TRPV1: variants seen among roughly 807,000 people sequenced by gnomAD.
The protein encoded by TRPV1 is transient receptor potential cation channel subfamily V member 1.
In TRPV1, 82 loss-of-function variants were observed where a neutral mutation model predicts 82.3. The ratio of observed to expected loss-of-function variants is 1.00; its 90% CI spans 0.83 to 1.20. The LOEUF is 1.20. Among genes scored for constraint, TRPV1 ranks in the 50% most tolerant of loss-of-function variants. The pLI is 0.00. For missense variants in TRPV1, 1,067 were observed against 1,096.8 expected (o/e 0.97, Z 0.38); for synonymous variants, 515 against 467.7 (o/e 1.10, Z -1.30).
intron 2 of TRPV1, among the ~76,000 whole-genome samples, chr17:3,605,783 G>C (rs2150861358): frequency 6.6e-6 from 1 of 152,068 alleles, no homozygotes; most frequent in Middle Eastern, 3.4e-3. Flanking sequence ...AAATTCAACG[G>C]GGGGCAGTCT....
chr17:3,575,091 G>A lies in TRPV1; in HGVS notation c.1781-1136C>T, dbSNP rs148185119. 2.3e-3 allele frequency among the ~76,000 whole-genome samples: 343 copies of A among 152,212 alleles called. 2 individuals carry two copies. The highest frequency in any genetic ancestry group is 7.9e-3 in the African/African-American group (330 of 41,538). ...CCATGAAAACAAAAGACTCCATGAG[G>A]CCATTCTGATACAAACAAATACATA... On this transcript the variant is annotated intron_variant, in intron 13 of 16. Transcript: ENST00000572705.
chr17:3,581,758 A>G (rs71368147), intron 10 of TRPV1, among the ~76,000 whole-genome samples: 51,882 of 137,626 alleles, frequency 0.38, 12,597 homozygotes, highest in East Asian at 0.75. Flanking sequence ...GGTGGCACGC[A>G]CCTGTAGTCC....
intron 10 of TRPV1, among the ~76,000 whole-genome samples, chr17:3,582,747 C>T (rs943779747): frequency 6.6e-6 from 1 of 151,936 alleles, no homozygotes; most frequent in Non-Finnish European, 1.5e-5. Context: ...CACCTGAGGT[C>T]AGGAGTTCGA....
chr17:3,573,645 G>A lies in TRPV1; in HGVS notation c.2091C>T (p.Ile697=), dbSNP rs200534188. 3 of 1,608,960 alleles carry A rather than the reference G, an allele frequency of 1.9e-6. No individual in the cohort carries two copies. Among genetic ancestry groups the A allele is most frequent in the African/African-American group, 1.3e-5 (1 of 74,406 alleles). Residue 697 remains isoleucine (I), a synonymous_variant, in exon 14 of 17, where the codon ATC becomes ATT. Transcript: ENST00000572705. ...TCCACCCACCCACCTGCAGCTTCCAGATGTTCTTGCTCTCCTGTGCGATCT... is the reference window on the plus strand; with the variant it reads ...TCCACCCACCCACCTGCAGCTTCCAAATGTTCTTGCTCTCCTGTGCGATCT... ...VNKIAQESKN[I]WKLQRAITIL... is the part of the protein sequence containing the mutation.
intron 2 of TRPV1, among the ~76,000 whole-genome samples, chr17:3,604,975 C>T (rs1192997011): frequency 1.3e-5 from 2 of 152,168 alleles, no homozygotes; most frequent in Non-Finnish European, 2.9e-5. Flanking sequence ...CCAGCCACAA[C>T]TCCTATAAAC....
At chr17:3,604,405 C>A (rs1431897494) in intron 2 of TRPV1, among the ~76,000 whole-genome samples, 1 of 151,980 alleles carries the variant, frequency 6.6e-6, no homozygotes, top group East Asian at 1.9e-4. Flanking sequence ...TGAGACCAGC[C>A]TGGCCAACAT....
chr17:3,594,157 C>CAAAAAAAAA (rs1567673368), intron 2 of TRPV1, among the ~76,000 whole-genome samples: 6 of 111,226 alleles, frequency 5.4e-5, no homozygotes, highest in African/African-American at 3.6e-4. Flanking sequence ...AAAAAAGAAG[C>CAAAAAAAAA]AGCAGCAGCA....
chr17:3,574,471 T>C (rs1219904082), intron 13 of TRPV1, among the ~76,000 whole-genome samples: 1 of 152,120 alleles, frequency 6.6e-6, no homozygotes, highest in Non-Finnish European at 1.5e-5. Context: ...CCTACTGAAA[T>C]GCAGGGCCTT....
chr17:3,601,986 ACAGTAATGGC>A (rs2075266710), intron 2 of TRPV1: 1 of 152,188 alleles, frequency 6.6e-6, no homozygotes, highest in Non-Finnish European at 1.5e-5. Context: ...AATGATGACA[ACAGTAATGGC>A]TGTGAATATG....
At chr17:3,594,304 C>T (rs938860994) in intron 2 of TRPV1, among the ~76,000 whole-genome samples, 1 of 151,698 alleles carries the variant, frequency 6.6e-6, no homozygotes, top group Admixed American at 6.6e-5. Flanking sequence ...AAATGAGAGG[C>T]TTCTCAAGTC....
intron 2 of TRPV1, among the ~76,000 whole-genome samples, chr17:3,601,280 C>T (rs571953795): frequency 5.9e-5 from 9 of 152,150 alleles, no homozygotes; most frequent in African/African-American, 2.2e-4. Context: ...GTCCAACCTC[C>T]CACAACCCCT....
chr17:3,595,667 T>C (rs2075212658), intron 2 of TRPV1: 1 of 152,260 alleles, frequency 6.6e-6, no homozygotes, highest in Non-Finnish European at 1.5e-5. Context: ...AGAGCACCTG[T>C]TAGCCGGAGC....
At chr17:3,577,940 A>G in intron 11 of TRPV1, 177 bp from the exon 12 acceptor site, 1 of 601,902 alleles carries the variant, frequency 1.7e-6, no homozygotes, top group Non-Finnish European at 2.9e-6. Context: ...ATCGTCCCCA[A>G]GGAGCAGAAA....
intron 16 of TRPV1, among the ~76,000 whole-genome samples, chr17:3,569,228 G>C (rs1377220397): frequency 1.3e-5 from 2 of 152,014 alleles, no homozygotes; most frequent in African/African-American, 4.8e-5. Context: ...TAACAAACCT[G>C]CACGTTGTGC....
At position 3,573,943 on chromosome 17, in the gene TRPV1, A is replaced by G; in HGVS notation, c.1793T>C (p.Leu598Pro). The G allele has an allele frequency of 1.9e-6, 3 of 1,603,744 alleles. No homozygotes were observed. Among genetic ancestry groups the G allele is most frequent in the Non-Finnish European group, 2.5e-6 (3 of 1,176,590 alleles). Residue 598 changes from leucine to proline, a missense_variant, in exon 14 of 17, where the codon CTG becomes CCG. By Grantham distance (98) the Leu-to-Pro change is moderately conservative. Coordinates refer to ENST00000572705, the MANE Select transcript of TRPV1 (RefSeq NM_080704.4). Reference protein sequence around the residue: ...LFGFSTAVVTLIEDGKNDSLP... With the variant: ...LFGFSTAVVTPIEDGKNDSLP... ...GGAGTCATTCTTCCCGTCTTCAATC[A>G]GCGTCACCACCGCTACAGGGCACAG...
At chr17:3,583,684 G>C (rs1367787847) in intron 9 of TRPV1, among the ~76,000 whole-genome samples, 1 of 152,190 alleles carries the variant, frequency 6.6e-6, no homozygotes, top group African/African-American at 2.4e-5. Flanking sequence ...GCAATGTCCC[G>C]GCAGGCCCAG....
chr17:3,576,600 C>T (rs1177437949), intron 13 of TRPV1, among the ~76,000 whole-genome samples: 4 of 140,894 alleles, frequency 2.8e-5, no homozygotes, highest in South Asian at 2.3e-4. Context: ...TCCAGTGAGC[C>T]GAGATCGCGC....
Position 3,566,609 on chromosome 17 carries a change from T to C in TRPV1, c.*206A>G, listed in dbSNP as rs2074766032. On this transcript the variant is annotated 3_prime_UTR_variant, in exon 17 of 17. Coordinates refer to ENST00000572705, the MANE Select transcript of TRPV1 (RefSeq NM_080704.4). ...CCTGAAAGTCTGTTAGGAGATTCAC[T>C]TGGGGACAGTGACGGTTGGATGTAC... 3 of 549,398 alleles carry C rather than the reference T, an allele frequency of 5.5e-6. No individual in the cohort carries two copies. The highest frequency in any genetic ancestry group is 6.4e-5 in the South Asian group (2 of 31,376). 34.0% of individuals were successfully genotyped at this position (549,398 alleles called of 1,614,324 possible). A position where few individuals can be genotyped will look rare whatever the true frequency, so the allele number is the denominator to read the frequency against.
chr17:3,573,755 T>G lies in TRPV1; in HGVS notation c.1981A>C (p.Ile661Leu). 1 of 1,614,026 alleles carries G rather than the reference T, an allele frequency of 6.2e-7. No homozygotes were observed. The highest frequency in any genetic ancestry group is 8.5e-7 in the Non-Finnish European group (1 of 1,179,996). The change falls in exon 14 of 17, where the codon ATC (isoleucine) becomes CTC (leucine). Residue 661 changes from isoleucine (I) to leucine (L), a missense_variant. By Grantham distance (5) the Ile-to-Leu change is conservative (BLOSUM62 2). Coordinates refer to ENST00000572705, the MANE Select transcript of TRPV1 (RefSeq NM_080704.4). ...TENYDFKAVF[I>L]ILLLAYVILT... is the part of the protein sequence containing the mutation. ...ATTACATAGGCCAGCAGCAGGATGA[T>G]GAAGACAGCCTTGAAGTCATAGTTC...
Sources: allele counts gnomAD v4.1 joint callset (sites outside exome capture counted in the v4.1 genomes callset), GRCh38; gene constraint gnomAD v4.1.1; transcripts MANE v1.5; gene names NCBI Gene and HGNC (gene_info 2026-07-23, HGNC 2026-07-21).